The following SEM1 variants were observed in gnomAD, a reference collection of about 807,000 sequenced individuals.
SEM1 encodes the protein 26S proteasome complex subunit SEM1.
In SEM1, 3 loss-of-function variants were observed where a neutral mutation model predicts 12.7. The ratio of observed to expected loss-of-function variants is 0.24; its 90% CI spans 0.11 to 0.61. The LOEUF (loss-of-function observed/expected upper bound fraction) is 0.61, where lower values mean the gene tolerates loss of function less well. SEM1 is among the 20% of genes least tolerant of loss of function. The pLI is 0.88. For synonymous variants in SEM1, 30 were observed against 27.8 expected (o/e 1.08, Z -0.25); for missense variants, 59 against 81.3 (o/e 0.73, Z 1.06).
At chr7:96,487,468 C>T (rs575415732) in intron 1 of SEM1, among the ~76,000 whole-genome samples, 40 of 149,710 alleles carry the variant, frequency 2.7e-4, no homozygotes, top group Non-Finnish European at 5.3e-4. Context: ...TATTTTGGGA[C>T]CCCCTTTAAT....
intron 2 of SEM1, among the ~76,000 whole-genome samples, chr7:96,606,536 G>A (rs1807384766): frequency 2.0e-5 from 3 of 152,138 alleles, no homozygotes; most frequent in Admixed American, 6.5e-5. Context: ...CAACAGGCTT[G>A]AATGGAGGAC....
At chr7:96,519,530 G>A (rs1169071607) in intron 2 of SEM1, among the ~76,000 whole-genome samples, 1 of 152,072 alleles carries the variant, frequency 6.6e-6, no homozygotes, top group Non-Finnish European at 1.5e-5. Flanking sequence ...TTTTAAATAG[G>A]TTGGTGATGA....
intron 2 of SEM1, among the ~76,000 whole-genome samples, chr7:96,541,331 T>C (rs1011322202): frequency 3.3e-5 from 5 of 151,734 alleles, no homozygotes; most frequent in Non-Finnish European, 5.9e-5. Flanking sequence ...TTACTTCCTC[T>C]GATGGTTAGT....
At chr7:96,618,522 C>T (rs1376050671), downstream of SEM1, among the ~76,000 whole-genome samples, 1 of 152,062 alleles carries the variant, frequency 6.6e-6, no homozygotes, top group Non-Finnish European at 1.5e-5. Context: ...ACCAATAACT[C>T]GTAAGTTCAG....
chr7:96,508,746 G>T (rs1464198813), intron 2 of SEM1, among the ~76,000 whole-genome samples: 1 of 152,104 alleles, frequency 6.6e-6, no homozygotes, highest in Admixed American at 6.6e-5. Flanking sequence ...TATAGAATGT[G>T]GTCAAAGAAA....
At chr7:96,682,611 G>C (rs898369827) in intron 2 of SEM1, among the ~76,000 whole-genome samples, 1 of 152,016 alleles carries the variant, frequency 6.6e-6, no homozygotes, top group African/African-American at 2.4e-5. Context: ...ACACAGGCAT[G>C]AACAAAGGCT....
chr7:96,624,109 G>C (rs1209927246), intron 2 of SEM1, among the ~76,000 whole-genome samples: 1 of 152,022 alleles, frequency 6.6e-6, no homozygotes, highest in African/African-American at 2.4e-5. Flanking sequence ...TAACATATAA[G>C]GTAATATTGA....
chr7:96,481,959 A>C (rs1420208699), exon 4 of SEM1: 1 of 152,198 alleles, frequency 6.6e-6, no homozygotes, highest in East Asian at 1.9e-4. Flanking sequence ...GGAACCAGGA[A>C]TGTGAACAAG....
At chr7:96,525,449 C>T (rs904573199) in intron 2 of SEM1, among the ~76,000 whole-genome samples, 3 of 151,972 alleles carry the variant, frequency 2.0e-5, no homozygotes, top group Admixed American at 1.3e-4. Context: ...GAGTGGAGGC[C>T]GGGTACAACT....
intron 2 of SEM1, among the ~76,000 whole-genome samples, chr7:96,546,061 C>A (rs1805093350): frequency 6.6e-6 from 1 of 152,100 alleles, no homozygotes; most frequent in African/African-American, 2.4e-5. Flanking sequence ...TTCTCTGTTT[C>A]TCTGAGAAGA....
chr7:96,631,179 A>G (rs551619740), intron 2 of SEM1, among the ~76,000 whole-genome samples: 1 of 152,194 alleles, frequency 6.6e-6, no homozygotes, highest in South Asian at 2.1e-4. Context: ...TTAGCCCACT[A>G]TCACTGTCTC....
intron 2 of SEM1, chr7:96,645,788 A>T: frequency 2.5e-6 from 1 of 398,420 alleles, no homozygotes; most frequent in Non-Finnish European, 4.4e-6. Context: ...GAGGCAGTTG[A>T]GGAGGAGTGA....
chr7:96,613,268 C>T (rs1410245894), intron 2 of SEM1, among the ~76,000 whole-genome samples: 1 of 152,130 alleles, frequency 6.6e-6, no homozygotes, highest in Non-Finnish European at 1.5e-5. Flanking sequence ...AGTTTGCACA[C>T]GTTTTAATAT....
chr7:96,682,621 T>C (rs932466950), intron 2 of SEM1, among the ~76,000 whole-genome samples: 1 of 151,938 alleles, frequency 6.6e-6, no homozygotes, highest in Non-Finnish European at 1.5e-5. Context: ...GAACAAAGGC[T>C]TCATGACTAA....
chr7:96,639,775 G>C (rs1808534383), intron 2 of SEM1, among the ~76,000 whole-genome samples: 2 of 151,826 alleles, frequency 1.3e-5, no homozygotes, highest in African/African-American at 4.8e-5. Context: ...ATACTGTCAA[G>C]AAGATGAAAA....
chr7:96,668,627 G>A (rs1789230723), downstream of SEM1, among the ~76,000 whole-genome samples: 1 of 152,122 alleles, frequency 6.6e-6, no homozygotes, highest in African/African-American at 2.4e-5. Context: ...TACAGATTCA[G>A]CTTCCCAGGT....
chr7:96,620,824 TTA>T (rs1359389477), downstream of SEM1, among the ~76,000 whole-genome samples: 1 of 151,654 alleles, frequency 6.6e-6, no homozygotes, highest in African/African-American at 2.4e-5. Flanking sequence ...TCACTCTATG[TTA>T]TGTTTTTTTT....
rs1254487615 is a variant in SEM1, at chr7:96,709,728, C to T, written c.36G>A (p.Leu12=). 2.5e-6 allele frequency: 4 copies of T among 1,613,948 alleles called. No homozygotes were observed. The highest frequency in any genetic ancestry group is 3.4e-6 in the Non-Finnish European group (4 of 1,179,962). Residue 12 remains leucine (L), a synonymous_variant, in exon 1 of 3, where the codon CTG becomes CTA. Transcript: ENST00000248566. Reference sequence around the variant, plus strand: ...CTTCAAACTCGTCGTCTTCCTCTAACAGACCTAAGTCTACCGGCTGCTTTT... The same window carrying T: ...CTTCAAACTCGTCGTCTTCCTCTAATAGACCTAAGTCTACCGGCTGCTTTT... The part of the protein sequence containing the change: ...SEKKQPVDLG[L]LEEDDEFEEF...
At chr7:96,624,500 GTCAGT>G (rs1246179030) in intron 2 of SEM1, among the ~76,000 whole-genome samples, 5 of 152,088 alleles carry the variant, frequency 3.3e-5, no homozygotes, top group Non-Finnish European at 2.9e-5. Flanking sequence ...GGGATCTCAG[GTCAGT>G]TACTTATTTT....
Sources: allele counts gnomAD v4.1 joint callset (sites outside exome capture counted in the v4.1 genomes callset), GRCh38; gene constraint gnomAD v4.1.1; transcripts MANE v1.5; gene names NCBI Gene and HGNC (gene_info 2026-07-23, HGNC 2026-07-21).